Variants in TOX observed in about 807,000 individuals in gnomAD.
TOX encodes thymocyte selection associated high mobility group box.
TOX carries 11 observed loss-of-function variants against 53.7 expected under a neutral mutation model. The ratio of observed to expected loss-of-function variants is 0.20; its 90% confidence interval spans 0.13 to 0.34. The LOEUF is 0.34. Ranked by LOEUF, TOX falls within the 10% of genes least tolerant of loss-of-function variation. The pLI is 1.00. For missense variants in TOX, 570 were observed against 664.6 expected (o/e 0.86, Z 1.56); for synonymous variants, 225 against 245.3 (o/e 0.92, Z 0.77).
At chr8:59,042,752 C>A (rs1433873559) in intron 1 of TOX, among the ~76,000 whole-genome samples, 1 of 152,120 alleles carries the variant, frequency 6.6e-6, no homozygotes, top group Non-Finnish European at 1.5e-5. Flanking sequence ...TATACCAGAA[C>A]TTTAACATGG....
At chr8:58,811,511 C>A (rs1185076400) in intron 7 of TOX, among the ~76,000 whole-genome samples, 1 of 152,240 alleles carries the variant, frequency 6.6e-6, no homozygotes, top group African/African-American at 2.4e-5. Context: ...CATATCCACA[C>A]TTTACTGGGA....
intron 1 of TOX, among the ~76,000 whole-genome samples, chr8:58,976,559 A>C (rs1289512637): frequency 6.6e-6 from 1 of 152,212 alleles, no homozygotes; most frequent in East Asian, 1.9e-4. Flanking sequence ...AATCATCATG[A>C]ATGTTCTTAA....
intron 1 of TOX, among the ~76,000 whole-genome samples, chr8:58,976,025 T>C (rs186948077): frequency 5.8e-4 from 88 of 151,992 alleles, no homozygotes; most frequent in Admixed American, 9.8e-4. Context: ...TGAGCCGGGA[T>C]TGCACCACTG....
At chr8:59,064,147 C>T (rs895388917) in intron 1 of TOX, among the ~76,000 whole-genome samples, 6 of 152,016 alleles carry the variant, frequency 3.9e-5, no homozygotes, top group Non-Finnish European at 7.4e-5. Context: ...ACCATGTTCC[C>T]TATGGTCTGA....
chr8:58,920,917 C>T (rs968457976), intron 3 of TOX, among the ~76,000 whole-genome samples: 4 of 151,836 alleles, frequency 2.6e-5, no homozygotes, highest in Non-Finnish European at 2.9e-5. Flanking sequence ...CTGATATTCC[C>T]AGTTTATTAA....
chr8:58,843,447 T>C (rs1477663106), intron 4 of TOX, among the ~76,000 whole-genome samples: 1 of 152,146 alleles, frequency 6.6e-6, no homozygotes, highest in African/African-American at 2.4e-5. Context: ...GACTTACATA[T>C]GGGGGAAAAA....
chr8:59,116,145 C>T (rs1198903353), intron 1 of TOX, among the ~76,000 whole-genome samples: 1 of 152,016 alleles, frequency 6.6e-6, no homozygotes, highest in South Asian at 2.1e-4. Flanking sequence ...ATACTGGTTC[C>T]GCTGGGATTT....
At chr8:59,019,961 A>G (rs1020289997) in intron 1 of TOX, among the ~76,000 whole-genome samples, 2 of 152,224 alleles carry the variant, frequency 1.3e-5, no homozygotes, top group Non-Finnish European at 2.9e-5. Context: ...AAGATTAAAT[A>G]TGAAATACTA....
chr8:58,947,337 G>A (rs1265864038), intron 2 of TOX, among the ~76,000 whole-genome samples: 1 of 152,100 alleles, frequency 6.6e-6, no homozygotes, highest in Non-Finnish European at 1.5e-5. Flanking sequence ...TTGATTATAT[G>A]AGATTGAATA....
chr8:58,806,996 T>G lies in TOX; in HGVS notation c.*751A>C, dbSNP rs992445558. On this transcript the variant is annotated 3_prime_UTR_variant, in exon 9 of 9. Transcript: ENST00000361421. ...ATAAAAGGACTTAAATGACATTTAC[T>G]AACCATTACACAAAAAGTGATACAA... 2 of 152,630 alleles carry G rather than the reference T, an allele frequency of 1.3e-5. No homozygotes were observed. The highest frequency in any genetic ancestry group is 6.6e-5 in the Admixed American group (1 of 15,264). 9.5% of individuals were successfully genotyped at this position (152,630 alleles called of 1,614,324 possible).
chr8:59,070,194 T>C (rs923550511), intron 1 of TOX, among the ~76,000 whole-genome samples: 4 of 152,276 alleles, frequency 2.6e-5, no homozygotes, highest in Middle Eastern at 3.4e-3. Flanking sequence ...ACATTTTTGC[T>C]CTCTTCTGAA....
At chr8:58,860,929 G>A (rs559866137) in intron 3 of TOX, among the ~76,000 whole-genome samples, 17 of 152,040 alleles carry the variant, frequency 1.1e-4, no homozygotes, top group Non-Finnish European at 2.2e-4. Context: ...TCACAACTTC[G>A]GCCAGGAGGT....
chr8:58,963,615 C>T (rs970798488), intron 1 of TOX, among the ~76,000 whole-genome samples: 1 of 152,208 alleles, frequency 6.6e-6, no homozygotes, highest in Non-Finnish European at 1.5e-5. Context: ...TCCAGTTCAT[C>T]CCACCCACAT....
chr8:59,005,897 C>A (rs1813783031), intron 1 of TOX, among the ~76,000 whole-genome samples: 1 of 152,196 alleles, frequency 6.6e-6, no homozygotes, highest in East Asian at 1.9e-4. Flanking sequence ...AGTTCTGATG[C>A]ATTTTCTTTC....
chr8:58,967,671 C>G (rs900405933), intron 1 of TOX, among the ~76,000 whole-genome samples: 5 of 152,216 alleles, frequency 3.3e-5, no homozygotes, highest in Admixed American at 3.3e-4. Context: ...TCATGATGTC[C>G]TCTGTAGCAC....
chr8:59,004,681 A>G (rs1201238864), intron 1 of TOX, among the ~76,000 whole-genome samples: 1 of 152,254 alleles, frequency 6.6e-6, no homozygotes, highest in Non-Finnish European at 1.5e-5. Context: ...TTCAGGTAAC[A>G]TATCTGAAAA....
chr8:58,818,773 T>A (rs1459533322), intron 6 of TOX, among the ~76,000 whole-genome samples: 2 of 152,120 alleles, frequency 1.3e-5, no homozygotes, highest in Admixed American at 1.3e-4. Context: ...TCTTCTCTGC[T>A]CTCGGCAGGA....
intron 2 of TOX, among the ~76,000 whole-genome samples, chr8:58,951,774 A>G (rs889764688): frequency 2.0e-5 from 3 of 152,234 alleles, no homozygotes; most frequent in Non-Finnish European, 2.9e-5. Context: ...TCACATTTGA[A>G]TAATCTGATG....
At chr8:58,814,214 G>A (rs776159972) in intron 7 of TOX, among the ~76,000 whole-genome samples, 7 of 152,050 alleles carry the variant, frequency 4.6e-5, no homozygotes, top group East Asian at 1.9e-4. Context: ...CTCTCCTTCC[G>A]CTTCATCTCG....
Sources: gnomAD v4.1 joint callset for allele counts (sites outside exome capture counted in the v4.1 genomes callset) on GRCh38, gnomAD v4.1.1 for gene constraint, MANE v1.5 for transcripts, NCBI Gene and HGNC (gene_info 2026-07-23, HGNC 2026-07-21) for gene names.